The following CDC73 variants were observed in gnomAD, a reference collection of about 807,000 sequenced individuals.
The protein encoded by CDC73 is parafibromin.
Under a neutral mutation model 83.7 loss-of-function variants are expected in CDC73, and 21 were observed. That is an observed-to-expected ratio of 0.25 (90% CI 0.18 to 0.36). CDC73 has a LOEUF of 0.36. Ranked by LOEUF, CDC73 falls within the 10% of genes least tolerant of loss-of-function variation. CDC73 has a pLI of 1.00. For missense variants in CDC73, 342 were observed against 653.3 expected, an observed-to-expected ratio of 0.52 and a Z score of 5.19; for synonymous variants, 224 against 212.9, an observed-to-expected ratio of 1.05 and a Z score of -0.45.
At chr1:193,204,171 A>G (rs7551600) in intron 11 of CDC73, among the ~76,000 whole-genome samples, 6,188 of 147,946 alleles carry the variant, frequency 0.042, 414 homozygotes, top group African/African-American at 0.15. Context: ...TTTGTTTTTT[A>G]TATATATATA....
intron 13 of CDC73, among the ~76,000 whole-genome samples, chr1:193,216,842 A>G (rs1417101203): frequency 6.6e-6 from 1 of 152,190 alleles, no homozygotes; most frequent in Admixed American, 6.5e-5. Flanking sequence ...TAAAAAAATT[A>G]CATGGTCATC....
At chr1:193,219,254 A>C (rs1677422963) in intron 13 of CDC73, among the ~76,000 whole-genome samples, 1 of 152,220 alleles carries the variant, frequency 6.6e-6, no homozygotes, top group African/African-American at 2.4e-5. Flanking sequence ...GATCTTGGTG[A>C]GGTTGTGGAG....
At chr1:193,152,284 C>T in intron 9 of CDC73, 96 bp from the exon 10 acceptor site, 1 of 766,884 alleles carries the variant, frequency 1.3e-6, no homozygotes, top group South Asian at 1.5e-5. Context: ...ATTATTGAAC[C>T]ATCACATTCA....
chr1:193,137,643 T>G (rs1675824004), intron 5 of CDC73, among the ~76,000 whole-genome samples: 1 of 152,186 alleles, frequency 6.6e-6, no homozygotes, highest in African/African-American at 2.4e-5. Flanking sequence ...AAGGTTTTCC[T>G]TAGAGCATTT....
intron 13 of CDC73, among the ~76,000 whole-genome samples, chr1:193,219,503 C>G (rs189898647): frequency 1.4e-3 from 213 of 152,268 alleles, no homozygotes; most frequent in Non-Finnish European, 2.3e-3. Context: ...AAATTTCCAT[C>G]AGTGGTGGAT....
chr1:193,219,582 T>C (rs1677431076), intron 13 of CDC73, among the ~76,000 whole-genome samples: 1 of 152,104 alleles, frequency 6.6e-6, no homozygotes, highest in African/African-American at 2.4e-5. Flanking sequence ...AACCATGTCC[T>C]TTGCAGCAAC....
chr1:193,166,294 C>T (rs1168332113), intron 10 of CDC73, among the ~76,000 whole-genome samples: 1 of 152,008 alleles, frequency 6.6e-6, no homozygotes, highest in African/African-American at 2.4e-5. Flanking sequence ...CAGCTGGGAC[C>T]ACAGGCATGC....
chr1:193,201,890 A>C (rs1400756189), intron 10 of CDC73, among the ~76,000 whole-genome samples: 2 of 152,212 alleles, frequency 1.3e-5, no homozygotes, highest in South Asian at 2.1e-4. Context: ...ATATGCACAT[A>C]ATTTTTATTC....
At chr1:193,212,018 A>G (rs376031970) in intron 11 of CDC73, 47 bp from the exon 12 acceptor site, 73 of 1,426,422 alleles carry the variant, frequency 5.1e-5, no homozygotes, top group Non-Finnish European at 7.8e-6. Flanking sequence ...GAAAATAAGA[A>G]TATGGTTTTT....
chr1:193,149,376 G>GTT (rs931674190), intron 8 of CDC73, among the ~76,000 whole-genome samples: 10 of 144,120 alleles, frequency 6.9e-5, no homozygotes, highest in South Asian at 2.2e-4. Flanking sequence ...CTTATTAGAT[G>GTT]TTTTTTTTTT....
At chr1:193,139,676 A>T (rs1395411062) in intron 6 of CDC73, among the ~76,000 whole-genome samples, 3 of 152,196 alleles carry the variant, frequency 2.0e-5, no homozygotes, top group Admixed American at 1.3e-4. Flanking sequence ...AGATATTGTT[A>T]TATCTCCCCA....
intron 8 of CDC73, among the ~76,000 whole-genome samples, chr1:193,149,081 C>T (rs1676058984): frequency 6.6e-6 from 1 of 152,026 alleles, no homozygotes; most frequent in Non-Finnish European, 1.5e-5. Flanking sequence ...TAGATAAATA[C>T]TTTTAGTTGA....
chr1:193,245,699 G>A (rs76608247), intron 15 of CDC73, among the ~76,000 whole-genome samples: 2,449 of 152,042 alleles, frequency 0.016, 33 homozygotes, highest in Middle Eastern at 0.041. Flanking sequence ...GTAGTTTTTT[G>A]AGAACTCTAG....
rs369024183 is a variant in CDC73, at chr1:193,150,320, C to A, written c.845C>A (p.Thr282Asn). Reference protein sequence around the residue: ...NAAPVDPTLRTKQPIPAAYNR... With the variant: ...NAAPVDPTLRNKQPIPAAYNR... ...TTTTTACAGGATCCCACTTTGCGCA[C>A]CAAACAGCCTATCCCAGCTGCCTAT... is the stretch of plus-strand genomic sequence containing the variant. Residue 282 changes from threonine to asparagine, a missense_variant, in exon 9 of 17, where the codon ACC (threonine) becomes AAC (asparagine). This residue lies in a region of CDC73 where 239 missense variants were observed against 420.6 expected (regional missense o/e 0.57). Transcript: ENST00000367435. 1.2e-6 allele frequency: 2 copies of A among 1,611,842 alleles called. No individual in the cohort carries two copies. The highest frequency in any genetic ancestry group is 1.7e-6 in the Non-Finnish European group (2 of 1,177,948).
intron 7 of CDC73, among the ~76,000 whole-genome samples, chr1:193,142,433 C>T (rs1392216902): frequency 6.6e-6 from 1 of 151,496 alleles, no homozygotes; most frequent in South Asian, 2.1e-4. Context: ...ATTTTTTTTT[C>T]TCACATGGTA....
Position 193,181,493 on chromosome 1 carries a change from G to A in CDC73, c.973-22302G>A, listed in dbSNP as rs755747116. 6.2e-6 allele frequency: 10 copies of A among 1,612,974 alleles called. No individual in the cohort carries two copies. Among genetic ancestry groups the A allele is most frequent in the Non-Finnish European group, 5.1e-6 (6 of 1,179,656 alleles). On this transcript the variant is annotated intron_variant, in intron 10 of 16. Transcript: ENST00000367435. The stretch of plus-strand genomic sequence containing the variant: ...GAAAGTACTCCAATAAGATGAGTGC[G>A]GAACAGAGACCTTTTGGCATTCCAG...
At chr1:193,186,685 T>C (rs1329314514) in intron 10 of CDC73, 1 of 152,152 alleles carries the variant, frequency 6.6e-6, no homozygotes, top group Non-Finnish European at 1.5e-5. Flanking sequence ...ACGTGATTGT[T>C]TGCATTCATT....
At chr1:193,198,953 C>T (rs980202776) in intron 10 of CDC73, among the ~76,000 whole-genome samples, 3 of 152,018 alleles carry the variant, frequency 2.0e-5, no homozygotes, top group Non-Finnish European at 2.9e-5. Flanking sequence ...ATGTCTCAGC[C>T]GTTTAAGTGG....
intron 15 of CDC73, among the ~76,000 whole-genome samples, chr1:193,237,589 G>C (rs901963684): frequency 6.6e-6 from 1 of 152,200 alleles, no homozygotes; most frequent in African/African-American, 2.4e-5. Context: ...TGCAGGAGTC[G>C]GGAGGTAGGG....
Sources: gnomAD v4.1 joint callset for allele counts (sites outside exome capture counted in the v4.1 genomes callset) on GRCh38, gnomAD v4.1.1 for gene constraint, gnomAD v4.1.1 regional missense constraint, MANE v1.5 for transcripts, NCBI Gene and HGNC (gene_info 2026-07-23, HGNC 2026-07-21) for gene names.